The following INPP4B variants were observed in gnomAD, a reference collection of about 807,000 sequenced individuals.
The protein encoded by INPP4B is inositol polyphosphate 4-phosphatase type II.
A neutral mutation model predicts 122.5 loss-of-function variants in INPP4B; 55 were observed. The ratio of observed to expected loss-of-function variants is 0.45; its 90% CI spans 0.36 to 0.56. The LOEUF (loss-of-function observed/expected upper bound fraction) is 0.56, where lower values mean the gene tolerates loss of function less well. Ranked by LOEUF, INPP4B falls within the 20% of genes least tolerant of loss-of-function variation. The pLI is 0.00. For synonymous variants in INPP4B, 403 were observed against 388.7 expected, an observed-to-expected ratio of 1.04 and a Z score of -0.43; for missense variants, 1,000 against 1,097.7, an observed-to-expected ratio of 0.91 and a Z score of 1.26.
At chr4:142,368,602 G>T (rs1207681125) in intron 7 of INPP4B, among the ~76,000 whole-genome samples, 1 of 152,024 alleles carries the variant, frequency 6.6e-6, no homozygotes, top group Non-Finnish European at 1.5e-5. Flanking sequence ...CAGTTAAGGA[G>T]GCAGGCAAGG....
At chr4:142,428,713 GGC>G (rs1808642013) in intron 5 of INPP4B, among the ~76,000 whole-genome samples, 1 of 152,016 alleles carries the variant, frequency 6.6e-6, no homozygotes, top group Admixed American at 6.6e-5. Flanking sequence ...AAATGTCACT[GGC>G]ATTTTCACAA....
chr4:142,120,207 T>TA (rs1241905784), intron 21 of INPP4B, among the ~76,000 whole-genome samples: 1 of 151,976 alleles, frequency 6.6e-6, no homozygotes, highest in Non-Finnish European at 1.5e-5. Context: ...ATCTACATTA[T>TA]ATACTTATGC....
Position 142,685,173 on chromosome 4 carries a change from T to C in INPP4B, c.-191+40666A>G, listed in dbSNP as rs543256482. Among the ~76,000 whole-genome samples, 10 of 152,164 alleles carry C rather than the reference T, an allele frequency of 6.6e-5. No homozygotes were observed. In the South Asian group the frequency reaches 2.1e-3, roughly 32 times the overall value. On this transcript the variant is annotated intron_variant, in intron 2 of 25. Coordinates refer to ENST00000262992, the MANE Select transcript of INPP4B (RefSeq NM_001101669.3). Reference sequence around the variant, plus strand: ...TGCTTCTTCCCAATTTTACAAGCCATAGCAATATTACTTAATAAGCAGAAG... The same window carrying C: ...TGCTTCTTCCCAATTTTACAAGCCACAGCAATATTACTTAATAAGCAGAAG...
intron 17 of INPP4B, among the ~76,000 whole-genome samples, chr4:142,148,154 G>C (rs554740523): frequency 6.6e-6 from 1 of 152,130 alleles, no homozygotes; most frequent in Non-Finnish European, 1.5e-5. Context: ...AGGGGAGCAG[G>C]TTCCCCTCAA....
chr4:142,214,253 A>G (rs965728505), intron 12 of INPP4B, among the ~76,000 whole-genome samples: 2 of 152,132 alleles, frequency 1.3e-5, no homozygotes, highest in Non-Finnish European at 2.9e-5. Context: ...AGTACATTCT[A>G]GAACTCTAAA....
chr4:142,318,597 A>G (rs1265330503), intron 7 of INPP4B, among the ~76,000 whole-genome samples: 3 of 152,158 alleles, frequency 2.0e-5, no homozygotes, highest in Non-Finnish European at 4.4e-5. Context: ...TACAAATTTA[A>G]AACATTCTTA....
chr4:142,290,555 C>G (rs531439021), intron 9 of INPP4B, among the ~76,000 whole-genome samples: 1 of 152,120 alleles, frequency 6.6e-6, no homozygotes, highest in African/African-American at 2.4e-5. Flanking sequence ...CAACTCTTGC[C>G]TCATTGGACT....
intron 1 of INPP4B, among the ~76,000 whole-genome samples, chr4:142,766,525 C>T (rs867841423): frequency 5.9e-5 from 9 of 151,890 alleles, no homozygotes; most frequent in African/African-American, 1.9e-4. Flanking sequence ...CGTGCACCAC[C>T]GCACTCAGCT....
chr4:142,698,434 G>A (rs1761296456), intron 2 of INPP4B, among the ~76,000 whole-genome samples: 1 of 152,026 alleles, frequency 6.6e-6, no homozygotes, highest in South Asian at 2.1e-4. Flanking sequence ...TGTCTTAAAT[G>A]ATTGTCTCCA....
At chr4:142,511,039 T>A (rs1427900693) in intron 2 of INPP4B, among the ~76,000 whole-genome samples, 7 of 152,200 alleles carry the variant, frequency 4.6e-5, no homozygotes, top group Admixed American at 4.6e-4. Context: ...TTCACCTCAT[T>A]TTTTATTCCT....
chr4:142,804,928 A>G (rs1289319057), intron 1 of INPP4B, among the ~76,000 whole-genome samples: 2 of 152,164 alleles, frequency 1.3e-5, no homozygotes, highest in Non-Finnish European at 2.9e-5. Context: ...CGGCCTCCCA[A>G]AGTTCTGGGA....
chr4:142,193,059 T>C (rs892089185), intron 15 of INPP4B, 28 bp downstream of exon 15: 1 of 1,332,666 alleles, frequency 7.5e-7, no homozygotes, highest in Non-Finnish European at 1.1e-6. Flanking sequence ...ATTAATGGAA[T>C]CTGTGCTTTC....
chr4:142,688,007 A>G (rs1186395496), intron 2 of INPP4B, among the ~76,000 whole-genome samples: 2 of 152,094 alleles, frequency 1.3e-5, no homozygotes, highest in African/African-American at 4.8e-5. Flanking sequence ...AAGAAACACA[A>G]ATCTCACCTG....
chr4:142,724,875 T>A (rs1765140298), intron 2 of INPP4B, among the ~76,000 whole-genome samples: 1 of 152,108 alleles, frequency 6.6e-6, no homozygotes, highest in Non-Finnish European at 1.5e-5. Flanking sequence ...CAGTACTCAT[T>A]TATTTTTAGA....
At chr4:142,692,085 G>T (rs566359233) in intron 2 of INPP4B, among the ~76,000 whole-genome samples, 1 of 151,688 alleles carries the variant, frequency 6.6e-6, no homozygotes, top group African/African-American at 2.4e-5. Context: ...TTCAGAAGCC[G>T]CAGATGGCAC....
At chr4:142,842,338 G>A (rs1220897798) in intron 1 of INPP4B, among the ~76,000 whole-genome samples, 1 of 150,670 alleles carries the variant, frequency 6.6e-6, no homozygotes, top group Non-Finnish European at 1.5e-5. Flanking sequence ...CATCATGCTG[G>A]AATGACATCT....
At chr4:142,553,127 G>C (rs1728365543) in intron 2 of INPP4B, among the ~76,000 whole-genome samples, 2 of 152,128 alleles carry the variant, frequency 1.3e-5, no homozygotes, top group Admixed American at 6.6e-5. Context: ...ACTCCTCTCA[G>C]CTTTTTTTTA....
chr4:142,600,703 C>A (rs1046050671), intron 2 of INPP4B, among the ~76,000 whole-genome samples: 1 of 151,990 alleles, frequency 6.6e-6, no homozygotes, highest in Non-Finnish European at 1.5e-5. Flanking sequence ...ATATCAATAA[C>A]AACTCTTGAA....
At position 142,147,892 on chromosome 4, in the gene INPP4B, G is replaced by A. The variant is rs57226383; in HGVS notation, c.1564-1896C>T. On this transcript the variant is annotated intron_variant, in intron 17 of 25. Coordinates refer to ENST00000262992, the MANE Select transcript of INPP4B (RefSeq NM_001101669.3). ...GTGTAAAGGAACCTCTGAACCATAA[G>A]CCAGGAGAGCTAAGGAAGCTCATTT... Among the ~76,000 whole-genome samples the A allele has an allele frequency of 2.8e-3, 429 of 152,270 alleles. 4 individuals carry two copies. The highest frequency in any genetic ancestry group is 9.1e-3 in the African/African-American group (376 of 41,542).
Sources: allele counts gnomAD v4.1 joint callset (sites outside exome capture counted in the v4.1 genomes callset), GRCh38; gene constraint gnomAD v4.1.1; transcripts MANE v1.5; gene names NCBI Gene and HGNC (gene_info 2026-07-23, HGNC 2026-07-21).